CCSER1: variants seen among roughly 807,000 people sequenced by gnomAD.
The protein encoded by CCSER1 is coiled-coil serine rich protein 1.
In CCSER1, 41 loss-of-function variants were observed where a neutral mutation model predicts 82.0. That is an observed-to-expected ratio of 0.50 (90% CI 0.39 to 0.65). CCSER1 has a LOEUF of 0.65. Ranked by LOEUF, CCSER1 falls within the 30% of genes least tolerant of loss-of-function variation. The pLI is 0.00. For synonymous variants in CCSER1, 414 were observed against 383.9 expected, an observed-to-expected ratio of 1.08 and a Z score of -0.92; for missense variants, 1,119 against 1,064.2, an observed-to-expected ratio of 1.05 and a Z score of -0.72.
At chr4:91,513,937 T>C (rs1759962307) in intron 10 of CCSER1, among the ~76,000 whole-genome samples, 1 of 152,084 alleles carries the variant, frequency 6.6e-6, no homozygotes, top group Admixed American at 6.6e-5. Context: ...TTTTATGGAT[T>C]TTTGGGTCTC....
chr4:91,064,185 T>C (rs1744176379), intron 9 of CCSER1, among the ~76,000 whole-genome samples: 1 of 152,170 alleles, frequency 6.6e-6, no homozygotes, highest in South Asian at 2.1e-4. Context: ...GCTTTTGTGA[T>C]AATGGTTTCC....
intron 10 of CCSER1, among the ~76,000 whole-genome samples, chr4:91,480,695 T>A (rs1174436441): frequency 2.6e-5 from 4 of 152,352 alleles, no homozygotes; most frequent in Middle Eastern, 6.8e-3. Flanking sequence ...CTTATCTTTT[T>A]AAATGTCACC....
chr4:91,155,090 G>C (rs936898876), intron 10 of CCSER1, among the ~76,000 whole-genome samples: 2 of 151,706 alleles, frequency 1.3e-5, no homozygotes, highest in Non-Finnish European at 2.9e-5. Flanking sequence ...AATTCTTTGG[G>C]CTTGTCATAA....
At chr4:91,102,254 A>T (rs1350647358) in intron 10 of CCSER1, among the ~76,000 whole-genome samples, 1 of 151,636 alleles carries the variant, frequency 6.6e-6, no homozygotes, top group Admixed American at 6.6e-5. Context: ...AAGTCTCTAA[A>T]TGGGAAAATT....
intron 1 of CCSER1, among the ~76,000 whole-genome samples, chr4:90,141,204 C>T (rs1054724635): frequency 6.6e-6 from 1 of 152,096 alleles, no homozygotes; most frequent in Non-Finnish European, 1.5e-5. Flanking sequence ...TTCCAGCAAA[C>T]ATCAGTTTTT....
At chr4:90,537,752 CCTT>C (rs1258618398) in intron 5 of CCSER1, among the ~76,000 whole-genome samples, 3 of 152,022 alleles carry the variant, frequency 2.0e-5, no homozygotes, top group Admixed American at 6.6e-5. Context: ...TTTAGTTGTT[CCTT>C]CTTCTTTCAA....
intron 1 of CCSER1, among the ~76,000 whole-genome samples, chr4:90,254,601 G>C (rs1363438659): frequency 1.3e-5 from 2 of 152,068 alleles, no homozygotes; most frequent in Admixed American, 6.6e-5. Flanking sequence ...GGATGAGAAA[G>C]GCTGGTGATC....
At chr4:90,352,056 G>A (rs1424799777) in intron 3 of CCSER1, among the ~76,000 whole-genome samples, 2 of 152,154 alleles carry the variant, frequency 1.3e-5, no homozygotes, top group Non-Finnish European at 2.9e-5. Context: ...CGGGCGCAGC[G>A]GCTCACGCCT....
intron 8 of CCSER1, among the ~76,000 whole-genome samples, chr4:90,914,917 G>C (rs1264882834): frequency 1.3e-5 from 2 of 152,096 alleles, no homozygotes; most frequent in African/African-American, 4.8e-5. Context: ...AAATCTAGAA[G>C]AAATGGAAAA....
At chr4:91,330,452 A>T (rs1199890885) in intron 10 of CCSER1, among the ~76,000 whole-genome samples, 1 of 151,910 alleles carries the variant, frequency 6.6e-6, no homozygotes, top group African/African-American at 2.4e-5. Context: ...GAAATTTTCT[A>T]TTTGTCTCTT....
In CCSER1 at chr4:90,817,033, G is replaced by A. The variant is rs149392681; in HGVS notation, c.2094+1188G>A. 1.4e-4 allele frequency among the ~76,000 whole-genome samples: 22 copies of A among 152,128 alleles called. No homozygotes were observed. In the East Asian group the frequency reaches 2.1e-3, roughly 15 times the overall value. On this transcript the variant is annotated intron_variant, in intron 8 of 10. Coordinates refer to ENST00000509176, the MANE Select transcript of CCSER1 (RefSeq NM_001145065.2). ...ATAGTATCACAGACAAAAGGAACACGTGTTACATTACCAAAATAACCTTTT... is the reference window on the plus strand; with the variant it reads ...ATAGTATCACAGACAAAAGGAACACATGTTACATTACCAAAATAACCTTTT...
At chr4:90,196,814 G>T (rs6854773) in intron 1 of CCSER1, among the ~76,000 whole-genome samples, 85,383 of 151,844 alleles carry the variant, frequency 0.56, 24,607 homozygotes, top group African/African-American at 0.69. Context: ...TAACTATTAG[G>T]GATAGGAAAA....
At chr4:91,098,728 A>G (rs1263796803) in intron 10 of CCSER1, among the ~76,000 whole-genome samples, 1 of 152,060 alleles carries the variant, frequency 6.6e-6, no homozygotes, top group African/African-American at 2.4e-5. Flanking sequence ...TTTTTAGTAG[A>G]GATGGGGTTT....
At chr4:91,507,265 A>G (rs552556045) in intron 10 of CCSER1, among the ~76,000 whole-genome samples, 5 of 152,220 alleles carry the variant, frequency 3.3e-5, no homozygotes, top group South Asian at 4.1e-4. Flanking sequence ...GAGGATTTCA[A>G]TTTCTCCACA....
chr4:90,701,531 T>A (rs1027326482), intron 6 of CCSER1, among the ~76,000 whole-genome samples: 1 of 152,184 alleles, frequency 6.6e-6, no homozygotes, highest in Non-Finnish European at 1.5e-5. Context: ...GAAAGTCATT[T>A]GTAGCTTGAT....
chr4:90,342,719 T>C (rs1234917755), intron 3 of CCSER1, among the ~76,000 whole-genome samples: 2 of 152,168 alleles, frequency 1.3e-5, no homozygotes, highest in African/African-American at 2.4e-5. Context: ...TTTCTCACCA[T>C]GAAGTTTTCC....
rs547712870 is a variant in CCSER1 at position 90,838,486 on chromosome 4, T to A, written c.2094+22641T>A. Among the ~76,000 whole-genome samples the A allele has an allele frequency of 3.9e-3, 522 of 135,090 alleles. 3 individuals are homozygous for A. The highest frequency in any genetic ancestry group is 0.017 in the African/African-American group (496 of 29,934). The allele number at this position is 135,090 out of a possible 152,430, so 88.6% of individuals were successfully genotyped here. A position where few individuals can be genotyped will look rare whatever the true frequency, so the allele number is the denominator to read the frequency against. On this transcript the variant is annotated intron_variant, in intron 8 of 10. Transcript: ENST00000509176. ...TTTAAATATAAATATTTCATAATAT[T>A]TTTTTTAAGTTTTTAAACTTTTTAT...
At chr4:90,407,150 A>G (rs191550028) in intron 4 of CCSER1, among the ~76,000 whole-genome samples, 2 of 152,332 alleles carry the variant, frequency 1.3e-5, no homozygotes, top group East Asian at 1.9e-4. Context: ...AGAAAATCCA[A>G]ATAATCTCAA....
chr4:91,204,407 C>A (rs1034074502), intron 10 of CCSER1, among the ~76,000 whole-genome samples: 2 of 151,764 alleles, frequency 1.3e-5, no homozygotes, highest in African/African-American at 4.8e-5. Flanking sequence ...CTTCAGCATG[C>A]TTTGCTATAT....
Sources: allele counts gnomAD v4.1 joint callset (sites outside exome capture counted in the v4.1 genomes callset), GRCh38; gene constraint gnomAD v4.1.1; transcripts MANE v1.5; gene names NCBI Gene and HGNC (gene_info 2026-07-23, HGNC 2026-07-21).